Variants in ICAM1 observed in about 807,000 individuals in gnomAD.
ICAM1 encodes ICAM-1.
ICAM1 carries 28 observed loss-of-function variants against 42.3 expected under a neutral mutation model. The observed-to-expected ratio is 0.66, with a 90% CI of 0.49 to 0.91. The LOEUF is 0.91. ICAM1 is among the 40% of genes least tolerant of loss of function. ICAM1 has a pLI of 0.00. For missense variants in ICAM1, 637 were observed against 688.6 expected, an observed-to-expected ratio of 0.93 and a Z score of 0.84; for synonymous variants, 304 against 305.9, an observed-to-expected ratio of 0.99 and a Z score of 0.07.
chr19:10,284,480 C>T lies in ICAM1; in HGVS notation c.1003C>T (p.His335Tyr). ...GTEVTVKCEA[H>Y]PRAKVTLNGV... ...CGAGGTGACAGTGAAGTGTGAGGCCCACCCTAGAGCCAAGGTGACGCTGAA... is the reference window on the plus strand; with the variant it reads ...CGAGGTGACAGTGAAGTGTGAGGCCTACCCTAGAGCCAAGGTGACGCTGAA... Residue 335 changes from histidine (H) to tyrosine (Y), a missense_variant, in exon 5 of 7, where the codon CAC becomes TAC. Coordinates refer to ENST00000264832, the MANE Select transcript of ICAM1 (RefSeq NM_000201.3). The surrounding 1 kb of genome is among the most constrained non-coding windows in gnomAD (Gnocchi z 5.4). 6.2e-7 allele frequency: 1 copy of T among 1,614,024 alleles called. No homozygotes were observed. Among genetic ancestry groups the T allele is most frequent in the Non-Finnish European group, 8.5e-7 (1 of 1,180,022 alleles).
intron 2 of ICAM1, among the ~76,000 whole-genome samples, chr19:10,282,051 T>C (rs1348982073): frequency 6.7e-6 from 1 of 149,888 alleles, no homozygotes; most frequent in Non-Finnish European, 1.5e-5. Context: ...CTTTTTGTTA[T>C]TAGACTCTGT....
At chr19:10,283,825 G>A in intron 3 of ICAM1, 39 bp downstream of exon 3, 1 of 1,550,072 alleles carries the variant, frequency 6.5e-7, no homozygotes, top group Non-Finnish European at 8.7e-7. Context: ...AGGTGGGGGT[G>A]GGGTATCCTG....
At chr19:10,281,075 G>A (rs374581568) in intron 2 of ICAM1, among the ~76,000 whole-genome samples, 145 of 151,288 alleles carry the variant, frequency 9.6e-4, no homozygotes, top group South Asian at 4.8e-3. Flanking sequence ...GGGTTTCACC[G>A]TGTTAGCCAG....
chr19:10,277,257 C>T (rs1030246066), intron 2 of ICAM1, among the ~76,000 whole-genome samples: 4 of 151,368 alleles, frequency 2.6e-5, no homozygotes, highest in Non-Finnish European at 4.4e-5. Flanking sequence ...CTCAGCTCAC[C>T]GCAACCTTCA....
At chr19:10,282,719 A>G (rs1262270128) in intron 2 of ICAM1, among the ~76,000 whole-genome samples, 1 of 148,058 alleles carries the variant, frequency 6.8e-6, no homozygotes, top group Non-Finnish European at 1.5e-5. Context: ...TTTGTTTTTT[A>G]AAGAATGTCT....
rs1180785037 is a variant in ICAM1, at chr19:10,278,566, TTTTTTC to T, written c.331+3544_331+3549del. ...GATAGGTCTTTTTTTTTTTTTTTTT[TTTTTTC>T]TTTTTTTTGACACACAGTCTTGCTC... is the stretch of plus-strand genomic sequence containing the variant. On this transcript the variant is annotated intron_variant, in intron 2 of 6. Transcript: ENST00000264832. Among the ~76,000 whole-genome samples the T allele has an allele frequency of 9.0e-4, 88 of 97,596 alleles. 5 individuals carry two copies. The highest frequency in any genetic ancestry group is 1.3e-3 in the Non-Finnish European group (60 of 45,860). 64.0% of individuals were successfully genotyped at this position (97,596 alleles called of 152,430 possible).
Position 10,271,219 on chromosome 19 carries a change from G to C in ICAM1, c.60G>C (p.Leu20=). The part of the protein sequence containing the change: ...LPALLVLLGA[L]FPGPGNAQTS... ...CACTCCTGGTCCTGCTCGGGGCTCT[G>C]TTCCCAGGTGAGTCGGGGTGGGGAT... Residue 20 remains leucine, a synonymous_variant, in exon 1 of 7, where the codon CTG becomes CTC. Transcript: ENST00000264832. The C allele has an allele frequency of 6.2e-7, 1 of 1,613,168 alleles. No individual in the cohort carries two copies. The highest frequency in any genetic ancestry group is 1.1e-5 in the South Asian group (1 of 90,938).
In ICAM1 at chr19:10,283,505, C is replaced by T. The variant is rs1207079639; in HGVS notation, c.356C>T (p.Ala119Val). The T allele has an allele frequency of 2.5e-6, 4 of 1,579,076 alleles. No homozygotes were observed. In the South Asian group the frequency reaches 3.5e-5, roughly 14 times the overall value. Residue 119 changes from alanine to valine, a missense_variant, in exon 3 of 7, where the codon GCA becomes GTA. Coordinates refer to ENST00000264832, the MANE Select transcript of ICAM1 (RefSeq NM_000201.3). Reference protein sequence around the residue: ...VYWTPERVELAPLPSWQPVGK... With the variant: ...VYWTPERVELVPLPSWQPVGK... ...GGGACTCCAGAACGGGTGGAACTGG[C>T]ACCCCTCCCCTCTTGGCAGCCAGTG...
chr19:10,285,186 A>G lies in ICAM1; in HGVS notation c.1498A>G (p.Thr500Ala), dbSNP rs1292981351. The change falls in exon 7 of 7, where the codon ACG becomes GCG. Residue 500 changes from threonine to alanine, a missense_variant. Coordinates refer to ENST00000264832, the MANE Select transcript of ICAM1 (RefSeq NM_000201.3). ...AVIMGTAGLS[T>A]YLYNRQRKIK... ...CATAATGGGCACTGCAGGCCTCAGC[A>G]CGTACCTCTATAACCGCCAGCGGAA... The G allele has an allele frequency of 1.2e-6, 2 of 1,614,178 alleles. No individual in the cohort carries two copies. The highest frequency in any genetic ancestry group is 1.7e-6 in the Non-Finnish European group (2 of 1,180,018).
Position 10,284,491 on chromosome 19 carries a change from C to G in ICAM1, c.1014C>G (p.Ala338=). ...VTVKCEAHPR[A]KVTLNGVPAQ... is the part of the protein sequence containing the mutation. ...TGAAGTGTGAGGCCCACCCTAGAGC[C>G]AAGGTGACGCTGAATGGGGTTCCAG... The change falls in exon 5 of 7, where the codon GCC becomes GCG. Residue 338 remains alanine (A), a synonymous_variant. Transcript: ENST00000264832. This position sits in a 1 kb window ranked among gnomAD's most constrained non-coding sequence, Gnocchi z 5.4. 6.2e-7 allele frequency: 1 copy of G among 1,614,060 alleles called. No homozygotes were observed. The highest frequency in any genetic ancestry group is 1.6e-4 in the Middle Eastern group (1 of 6,062).
At chr19:10,282,964 G>T (rs1465699105) in intron 2 of ICAM1, 1 of 152,064 alleles carries the variant, frequency 6.6e-6, no homozygotes, top group Non-Finnish European at 1.5e-5. Context: ...AGTGAGCCAA[G>T]ATCATGCCAT....
Position 10,285,101 on chromosome 19 carries a change from T to G in ICAM1, c.1427-14T>G. ...CTAATGCAATCCTCACCGCCTGTTG[T>G]ATCCTCCCCACAGCCCCCCGGTATG... On this transcript the variant is annotated splice_polypyrimidine_tract_variant and intron_variant, in intron 6 of 6. Coordinates refer to ENST00000264832, the MANE Select transcript of ICAM1 (RefSeq NM_000201.3). The G allele has an allele frequency of 6.2e-7, 1 of 1,613,984 alleles. No individual in the cohort carries two copies. The highest frequency in any genetic ancestry group is 8.5e-7 in the Non-Finnish European group (1 of 1,179,978).
At chr19:10,273,917 G>A (rs1445180238) in intron 1 of ICAM1, among the ~76,000 whole-genome samples, 5 of 152,022 alleles carry the variant, frequency 3.3e-5, no homozygotes, top group Non-Finnish European at 7.4e-5. Context: ...TGGAGGCTGA[G>A]GCAGGAGAAT....
rs1028232151 is a variant in ICAM1 at position 10,274,337 on chromosome 19, C to CA, written c.68-427dup. On this transcript the variant is annotated intron_variant, in intron 1 of 6. Coordinates refer to ENST00000264832, the MANE Select transcript of ICAM1 (RefSeq NM_000201.3). The stretch of plus-strand genomic sequence containing the variant: ...ATTTTTTTTTTTTTTTTTTTGGAGA[C>CA]AGAGTCTCGTTCTGTTGCTCAGGCT... Among the ~76,000 whole-genome samples the CA allele has an allele frequency of 2.8e-4, 39 of 137,288 alleles. No individual in the cohort carries two copies. The East Asian group carries it at 8.2e-3, about 29-fold the overall frequency. The allele number at this position is 137,288 out of a possible 152,430, so 90.1% of individuals were successfully genotyped here. A position where few individuals can be genotyped will look rare whatever the true frequency, so the allele number is the denominator to read the frequency against.
intron 2 of ICAM1, among the ~76,000 whole-genome samples, chr19:10,281,316 G>T (rs1163711648): frequency 3.3e-5 from 5 of 149,404 alleles, no homozygotes; most frequent in Non-Finnish European, 7.4e-5. Context: ...GGAGAAATGA[G>T]GTCTTGCAAT....
chr19:10,277,236 A>G (rs2040024298), intron 2 of ICAM1, among the ~76,000 whole-genome samples: 1 of 152,004 alleles, frequency 6.6e-6, no homozygotes, highest in Admixed American at 6.6e-5. Flanking sequence ...GCTGGAGTGC[A>G]ATGGCACGAT....
chr19:10,284,973 T>C lies in ICAM1; in HGVS notation c.1371T>C (p.Cys457=). The change falls in exon 6 of 7, where the codon TGT becomes TGC. Residue 457 remains cysteine, a synonymous_variant. Coordinates refer to ENST00000264832, the MANE Select transcript of ICAM1 (RefSeq NM_000201.3). This position sits in a 1 kb window ranked among gnomAD's most constrained non-coding sequence, Gnocchi z 5.4. ...GAGATCTTGAGGGCACCTACCTCTG[T>C]CGGGCCAGGAGCACTCAAGGGGAGG... ...VTRDLEGTYL[C]RARSTQGEVT... 3.7e-6 allele frequency: 6 copies of C among 1,611,796 alleles called. No homozygotes were observed. Among genetic ancestry groups the C allele is most frequent in the Non-Finnish European group, 4.2e-6 (5 of 1,178,568 alleles).
Position 10,274,934 on chromosome 19 carries a change from T to C in ICAM1, c.237T>C (p.Tyr79=), listed in dbSNP as rs1171426844. 1 of 1,614,218 alleles carries C rather than the reference T, an allele frequency of 6.2e-7. No homozygotes were observed. Among genetic ancestry groups the C allele is most frequent in the Non-Finnish European group, 8.5e-7 (1 of 1,180,038 alleles). The change falls in exon 2 of 7, where the codon TAT becomes TAC. Residue 79 remains tyrosine, a synonymous_variant. Coordinates refer to ENST00000264832, the MANE Select transcript of ICAM1 (RefSeq NM_000201.3). ...TGCCTGGGAACAACCGGAAGGTGTA[T>C]GAACTGAGCAATGTGCAAGAAGATA... ...LLLPGNNRKV[Y]ELSNVQEDSQ... is the part of the protein sequence containing the mutation.
chr19:10,272,564 T>TC (rs1255421278), intron 1 of ICAM1, among the ~76,000 whole-genome samples: 4 of 112,544 alleles, frequency 3.6e-5, no homozygotes, highest in African/African-American at 6.8e-5. Context: ...TCTTTTCTTT[T>TC]TTTTTTTTTT....
Sources: allele counts gnomAD v4.1 joint callset (sites outside exome capture counted in the v4.1 genomes callset), GRCh38; gene constraint gnomAD v4.1.1; non-coding constraint Gnocchi (gnomAD v3.1); transcripts MANE v1.5; gene names NCBI Gene and HGNC (gene_info 2026-07-23, HGNC 2026-07-21).